ATP5MF: variants seen among roughly 807,000 people sequenced by gnomAD.
ATP5MF encodes ATP synthase membrane subunit f.
Under a neutral mutation model 13.8 loss-of-function variants are expected in ATP5MF, and 10 were observed. That is an observed-to-expected ratio of 0.72 (90% confidence interval 0.45 to 1.23). The LOEUF is 1.23. ATP5MF is among the 50% of genes most tolerant of loss of function. ATP5MF has a pLI of 0.00. For synonymous variants in ATP5MF, 40 were observed against 45.8 expected, an observed-to-expected ratio of 0.87 and a Z score of 0.51; for missense variants, 122 against 118.2, an observed-to-expected ratio of 1.03 and a Z score of -0.15.
intron 1 of ATP5MF, among the ~76,000 whole-genome samples, chr7:99,463,335 A>C (rs970680488): frequency 6.6e-6 from 1 of 152,230 alleles, no homozygotes; most frequent in Non-Finnish European, 1.5e-5. Flanking sequence ...AGCATAGTCT[A>C]TTTTATTTTT....
At chr7:99,464,915 G>A (rs1353980310) in intron 1 of ATP5MF, among the ~76,000 whole-genome samples, 1 of 150,592 alleles carries the variant, frequency 6.6e-6, no homozygotes, top group African/African-American at 2.4e-5. Context: ...TTGCAGAGAC[G>A]AGATCAGCTA....
chr7:99,464,274 G>A (rs1362585382), intron 1 of ATP5MF, among the ~76,000 whole-genome samples: 1 of 152,230 alleles, frequency 6.6e-6, no homozygotes. Context: ...TACCGTGTAC[G>A]ACGAATGCTA....
rs761184584 is a variant in ATP5MF at position 99,466,133 on chromosome 7, T to G, written c.9A>C (p.Ser3=). 1 of 1,614,136 alleles carries G rather than the reference T, an allele frequency of 6.2e-7. No individual in the cohort carries two copies. Among genetic ancestry groups the G allele is most frequent in the Non-Finnish European group, 8.5e-7 (1 of 1,179,986 alleles). ...TACCTGGGGCCGGACACTCACCAAC[T>G]GACGCCATTTTGGAGTCCTGGTGTC... MA[S]VGECPAPVPV... is the part of the protein sequence containing the mutation. Residue 3 remains serine, a synonymous_variant, in exon 1 of 4, where the codon TCA becomes TCC. Transcript: ENST00000292475.
At chr7:99,459,008 A>G (rs1404452307) in intron 3 of ATP5MF, 139 bp downstream of exon 3, 4 of 636,362 alleles carry the variant, frequency 6.3e-6, no homozygotes, top group Non-Finnish European at 1.1e-5. Flanking sequence ...GGTCCCTCCA[A>G]TTCTTTTAGG....
chr7:99,464,042 A>AT (rs1320499185), intron 1 of ATP5MF, among the ~76,000 whole-genome samples: 1 of 152,234 alleles, frequency 6.6e-6, no homozygotes, highest in African/African-American at 2.4e-5. Context: ...GGTGATGCTG[A>AT]ATAGGCCAGG....
At chr7:99,462,730 G>A (rs1297010571) in intron 1 of ATP5MF, among the ~76,000 whole-genome samples, 2 of 152,204 alleles carry the variant, frequency 1.3e-5, no homozygotes, top group Non-Finnish European at 2.9e-5. Context: ...AGCCAAGATC[G>A]TGCCACTGCA....
At chr7:99,461,893 G>C (rs1340428553) in intron 1 of ATP5MF, among the ~76,000 whole-genome samples, 1 of 150,792 alleles carries the variant, frequency 6.6e-6, no homozygotes, top group Non-Finnish European at 1.5e-5. Context: ...CCTGACCTCA[G>C]GCGATCTGCC....
chr7:99,463,968 T>C (rs1260752274), intron 1 of ATP5MF, among the ~76,000 whole-genome samples: 5 of 152,186 alleles, frequency 3.3e-5, no homozygotes, highest in African/African-American at 1.2e-4. Context: ...TGTCCTCTGG[T>C]GACAGACACT....
chr7:99,465,430 A>G (rs1286499930), intron 1 of ATP5MF, among the ~76,000 whole-genome samples: 1 of 152,174 alleles, frequency 6.6e-6, no homozygotes, highest in African/African-American at 2.4e-5. Flanking sequence ...ACTCTCTGAC[A>G]AGGCTACTAT....
At chr7:99,461,192 G>GATTT (rs1324937184) in intron 1 of ATP5MF, among the ~76,000 whole-genome samples, 10 of 152,114 alleles carry the variant, frequency 6.6e-5, no homozygotes, top group African/African-American at 9.7e-5. Flanking sequence ...TCCCTGCAAA[G>GATTT]ATTTATTTAT....
chr7:99,462,288 TAAAAAAA>T (rs755455949), intron 1 of ATP5MF, among the ~76,000 whole-genome samples: 5 of 30,872 alleles, frequency 1.6e-4, no homozygotes, highest in East Asian at 8.7e-4. Flanking sequence ...CCATCACTAC[TAAAAAAA>T]AAAAAAAAAA....
intron 3 of ATP5MF, 70 bp downstream of exon 3, chr7:99,459,077 G>C (rs1334922430): frequency 7.5e-6 from 9 of 1,193,436 alleles, no homozygotes; most frequent in South Asian, 1.2e-5. Context: ...GTGGGCTGCT[G>C]TATCTAATGA....
At chr7:99,466,078 C>G (rs1004495404) in intron 1 of ATP5MF, 33 bp downstream of exon 1, 1 of 1,614,058 alleles carries the variant, frequency 6.2e-7, no homozygotes, top group Non-Finnish European at 8.5e-7. Flanking sequence ...GACCCTGGCT[C>G]CTGCTTCCAC....
intron 1 of ATP5MF, chr7:99,460,603 G>C (rs1798556901): frequency 4.2e-6 from 2 of 479,296 alleles, no homozygotes; most frequent in South Asian, 1.5e-5. Context: ...GATAGACTCA[G>C]AGAGGTTGGG....
chr7:99,464,389 C>T (rs536879916), intron 1 of ATP5MF, among the ~76,000 whole-genome samples: 80 of 152,332 alleles, frequency 5.3e-4, no homozygotes, highest in African/African-American at 1.8e-3. Context: ...GGAGGCCGGG[C>T]GCAGTGGCTC....
intron 1 of ATP5MF, 28 bp from the exon 2 acceptor site, chr7:99,460,221 C>A (rs1798538412): frequency 6.2e-7 from 1 of 1,611,758 alleles, no homozygotes; most frequent in African/African-American, 1.3e-5. Context: ...GAAAAAATAC[C>A]CACTGAATAA....
At chr7:99,460,826 G>A (rs1233910420) in intron 1 of ATP5MF, among the ~76,000 whole-genome samples, 1 of 152,156 alleles carries the variant, frequency 6.6e-6, no homozygotes, top group Non-Finnish European at 1.5e-5. Context: ...ACAGCACCTG[G>A]GTTCACACAG....
intron 3 of ATP5MF, 151 bp downstream of exon 3, chr7:99,458,996 T>C: frequency 1.6e-6 from 1 of 614,202 alleles, no homozygotes; most frequent in Non-Finnish European, 2.9e-6. Context: ...TGTACTCTGA[T>C]AGGTCCCTCC....
intron 1 of ATP5MF, among the ~76,000 whole-genome samples, chr7:99,462,859 T>TAC (rs1446806782): frequency 4.6e-5 from 7 of 152,294 alleles, no homozygotes; most frequent in Middle Eastern, 3.4e-3. Context: ...ACCCCAACTC[T>TAC]ACACACACCC....
Sources: gnomAD v4.1 joint callset for allele counts (sites outside exome capture counted in the v4.1 genomes callset) on GRCh38, gnomAD v4.1.1 for gene constraint, MANE v1.5 for transcripts, NCBI Gene and HGNC (gene_info 2026-07-23, HGNC 2026-07-21) for gene names.